RBM26: variants seen among roughly 807,000 people sequenced by gnomAD.
The protein encoded by RBM26 is RNA-binding protein 26.
Under a neutral mutation model 123.6 loss-of-function variants are expected in RBM26, and 30 were observed. The ratio of observed to expected loss-of-function variants is 0.24; its 90% CI spans 0.18 to 0.33. RBM26 has a LOEUF of 0.33. Ranked by LOEUF, RBM26 falls within the 10% of genes least tolerant of loss-of-function variation. RBM26 has a pLI of 1.00. For synonymous variants in RBM26, 400 were observed against 404.4 expected, an observed-to-expected ratio of 0.99 and a Z score of 0.13; for missense variants, 947 against 1,203.6, an observed-to-expected ratio of 0.79 and a Z score of 3.15.
chr13:79,362,404 G>A (rs1486794532), intron 9 of RBM26, among the ~76,000 whole-genome samples: 1 of 151,946 alleles, frequency 6.6e-6, no homozygotes, highest in African/African-American at 2.4e-5. Context: ...CTAAAATTCT[G>A]TAAATGCTTT....
At chr13:79,392,604 A>G (rs543575113) in intron 1 of RBM26, among the ~76,000 whole-genome samples, 1 of 147,508 alleles carries the variant, frequency 6.8e-6, no homozygotes, top group Admixed American at 6.8e-5. Flanking sequence ...TATATATATA[A>G]ATAAACATAG....
Position 79,358,414 on chromosome 13 carries a change from T to C in RBM26, c.1549A>G (p.Asn517Asp). 6.2e-7 allele frequency: 1 copy of C among 1,609,604 alleles called. No individual in the cohort carries two copies. The highest frequency in any genetic ancestry group is 8.5e-7 in the Non-Finnish European group (1 of 1,178,800). Reference sequence around the variant, plus strand: ...ACCTTCTTCTGAAAGCCTGGGCTGTTTGTTCTATTAAAATTTGGTCTGCAA... The same window carrying C: ...ACCTTCTTCTGAAAGCCTGGGCTGTCTGTTCTATTAAAATTTGGTCTGCAA... ...WFDKPNFNRT[N>D]SPGFQKKVQF... The change falls in exon 11 of 22, where the codon AAC (asparagine) becomes GAC (aspartate). Residue 517 changes from asparagine to aspartate, a missense_variant. This residue lies in a region of RBM26 where 493 missense variants were observed against 563.1 expected (regional missense o/e 0.88). Coordinates refer to ENST00000438737, the MANE Select transcript of RBM26 (RefSeq NM_001366735.2).
intron 16 of RBM26, 36 bp downstream of exon 16, chr13:79,344,212 T>G: frequency 7.7e-7 from 1 of 1,293,808 alleles, no homozygotes. Context: ...AATTATAACA[T>G]TTGCAATTTG....
chr13:79,336,618 T>C (rs2070459503), intron 19 of RBM26, among the ~76,000 whole-genome samples: 1 of 152,212 alleles, frequency 6.6e-6, no homozygotes, highest in Non-Finnish European at 1.5e-5. Context: ...GGTCAATATA[T>C]TACCATTATA....
chr13:79,391,530 TCTC>T (rs553099711), intron 1 of RBM26, among the ~76,000 whole-genome samples: 59 of 152,238 alleles, frequency 3.9e-4, no homozygotes, highest in Middle Eastern at 3.4e-3. Flanking sequence ...TTCAAGCAAT[TCTC>T]CTGCTTCAGC....
At chr13:79,394,486 C>T (rs1240751580) in intron 1 of RBM26, among the ~76,000 whole-genome samples, 1 of 152,162 alleles carries the variant, frequency 6.6e-6, no homozygotes, top group African/African-American at 2.4e-5. Context: ...CATATAAAGG[C>T]TTTCCATGAG....
intron 14 of RBM26, among the ~76,000 whole-genome samples, chr13:79,349,006 C>T (rs1347541696): frequency 6.6e-6 from 1 of 152,026 alleles, no homozygotes; most frequent in Non-Finnish European, 1.5e-5. Context: ...AGCTGAAATA[C>T]CATTTAAGTT....
intron 9 of RBM26, among the ~76,000 whole-genome samples, chr13:79,360,603 C>T (rs544516365): frequency 8.9e-4 from 136 of 152,002 alleles, no homozygotes; most frequent in African/African-American, 3.2e-3. Flanking sequence ...TACACTAATC[C>T]AATAATCTTT....
intron 5 of RBM26, among the ~76,000 whole-genome samples, chr13:79,370,446 G>C (rs192027411): frequency 6.6e-5 from 10 of 152,096 alleles, no homozygotes; most frequent in Admixed American, 2.0e-4. Context: ...TTTTATCCAT[G>C]TTATGGTATG....
intron 1 of RBM26, among the ~76,000 whole-genome samples, chr13:79,398,374 GA>G (rs980828267): frequency 2.6e-5 from 4 of 152,148 alleles, no homozygotes; most frequent in African/African-American, 9.7e-5. Flanking sequence ...GTCAGCCAAA[GA>G]TAAGGAAGTG....
chr13:79,400,292 G>A (rs566276429), intron 1 of RBM26, among the ~76,000 whole-genome samples: 41 of 152,174 alleles, frequency 2.7e-4, no homozygotes, highest in Non-Finnish European at 4.7e-4. Flanking sequence ...CACAGTTCTG[G>A]AGGCTGGGAA....
In RBM26 at chr13:79,406,036, CCTTCCCT is replaced by C. The variant is rs1307007851; in HGVS notation, c.-269_-263del. ...AGCAACGGTTTGCCCGGGCCCTCCC[CCTTCCCT>C]CTTCCCCAGCAAATCTACCCAGACC... On this transcript the variant is annotated 5_prime_UTR_variant, in exon 1 of 22. Coordinates refer to ENST00000438737, the MANE Select transcript of RBM26 (RefSeq NM_001366735.2). 3.5e-6 allele frequency: 1 copy of C among 286,528 alleles called. No individual in the cohort carries two copies. The highest frequency in any genetic ancestry group is 6.1e-5 in the East Asian group (1 of 16,506). 17.7% of individuals were successfully genotyped at this position (286,528 alleles called of 1,614,324 possible).
chr13:79,389,969 A>G (rs1420662815), intron 1 of RBM26, among the ~76,000 whole-genome samples: 1 of 152,188 alleles, frequency 6.6e-6, no homozygotes, highest in Non-Finnish European at 1.5e-5. Flanking sequence ...TACTGGAAAT[A>G]CTAGTTGTAG....
intron 9 of RBM26, among the ~76,000 whole-genome samples, chr13:79,365,254 G>A (rs1300425140): frequency 1.3e-5 from 2 of 152,116 alleles, no homozygotes; most frequent in Non-Finnish European, 1.5e-5. Context: ...AGACCAGCCT[G>A]GCCAATACGG....
At chr13:79,328,683 T>TTAAAAA (rs774284573) in intron 20 of RBM26, among the ~76,000 whole-genome samples, 1 of 38,480 alleles carries the variant, frequency 2.6e-5, no homozygotes, top group Non-Finnish European at 4.9e-5. Context: ...CTGCATTAAG[T>TTAAAAA]AAAAAAAAAA....
At chr13:79,334,573 T>G (rs962397470) in intron 19 of RBM26, 143 bp from the exon 20 acceptor site, 3 of 469,524 alleles carry the variant, frequency 6.4e-6, no homozygotes, top group Admixed American at 8.5e-5. Flanking sequence ...AAAAGTATGG[T>G]GAGTAATTTA....
chr13:79,336,898 G>GT (rs2070510093), intron 19 of RBM26, among the ~76,000 whole-genome samples: 1 of 152,144 alleles, frequency 6.6e-6, no homozygotes, highest in Non-Finnish European at 1.5e-5. Context: ...CCTACTAAGT[G>GT]TAAGAATAGT....
intron 2 of RBM26, among the ~76,000 whole-genome samples, chr13:79,378,109 C>G (rs1344723412): frequency 1.3e-5 from 2 of 152,192 alleles, no homozygotes; most frequent in Admixed American, 1.3e-4. Context: ...TCCACATCGC[C>G]TACTCAGTGT....
chr13:79,323,242 CA>C (rs11339167), intron 20 of RBM26, among the ~76,000 whole-genome samples: 76,285 of 151,042 alleles, frequency 0.51, 19,640 homozygotes, highest in Middle Eastern at 0.6. Context: ...AACATATTGC[CA>C]AATAACTTAT....
Sources: gnomAD v4.1 joint callset for allele counts (sites outside exome capture counted in the v4.1 genomes callset) on GRCh38, gnomAD v4.1.1 for gene constraint, gnomAD v4.1.1 regional missense constraint, MANE v1.5 for transcripts, NCBI Gene and HGNC (gene_info 2026-07-23, HGNC 2026-07-21) for gene names.